The following MYO16 variants were observed in gnomAD, a reference collection of about 807,000 sequenced individuals.
MYO16 encodes myosin XVI, also known as unconventional myosin-XVI.
A neutral mutation model predicts 205.3 loss-of-function variants in MYO16; 94 were observed. The ratio of observed to expected loss-of-function variants is 0.46; its 90% CI spans 0.39 to 0.54. MYO16 has a LOEUF of 0.54. Ranked by LOEUF, MYO16 falls within the 20% of genes least tolerant of loss-of-function variation. MYO16 has a pLI of 0.00. For missense variants in MYO16, 2,315 were observed against 2,387.5 expected (o/e 0.97, Z 0.63); for synonymous variants, 988 against 954.0 (o/e 1.04, Z -0.66).
chr13:109,062,586 T>C (rs1887625730), intron 27 of MYO16, among the ~76,000 whole-genome samples: 1 of 152,046 alleles, frequency 6.6e-6, no homozygotes, highest in African/African-American at 2.4e-5. Context: ...AGAGGAAATC[T>C]GCCCCTATCT....
intron 14 of MYO16, among the ~76,000 whole-genome samples, chr13:108,897,017 A>T (rs1436803673): frequency 1.3e-5 from 2 of 151,876 alleles, no homozygotes; most frequent in South Asian, 2.1e-4. Flanking sequence ...TAAAAAGTAA[A>T]TTTTTTAAAA....
intron 7 of MYO16, 139 bp from the exon 8 acceptor site, chr13:108,820,198 G>A (rs1394338641): frequency 3.5e-6 from 2 of 563,554 alleles, no homozygotes; most frequent in Non-Finnish European, 6.2e-6. Context: ...ACTGGGAAAG[G>A]GGACAGGAAG....
chr13:108,956,991 T>C (rs1471451012), intron 16 of MYO16, among the ~76,000 whole-genome samples: 1 of 152,174 alleles, frequency 6.6e-6, no homozygotes, highest in African/African-American at 2.4e-5. Flanking sequence ...TATTGAAAAG[T>C]ACCAACAAGG....
intron 16 of MYO16, among the ~76,000 whole-genome samples, chr13:108,919,481 G>T (rs1276870318): frequency 7.6e-6 from 1 of 131,550 alleles, no homozygotes; most frequent in Non-Finnish European, 1.7e-5. Flanking sequence ...TTTGGCGTGA[G>T]CGATTGTCGT....
At chr13:108,966,017 T>C (rs1036131572) in intron 20 of MYO16, among the ~76,000 whole-genome samples, 13 of 152,306 alleles carry the variant, frequency 8.5e-5, no homozygotes, top group African/African-American at 2.9e-4. Context: ...TAAATAAATA[T>C]AGACATCTCA....
intron 27 of MYO16, among the ~76,000 whole-genome samples, chr13:109,079,887 T>TTG (rs929377810): frequency 4.0e-5 from 6 of 150,502 alleles, no homozygotes; most frequent in Admixed American, 4.0e-4. Context: ...TTCTTTTTTT[T>TTG]TTTTTTGAGT....
the MYO16 span, among the ~76,000 whole-genome samples, chr13:108,574,579 G>T: frequency 6.6e-6 from 1 of 151,840 alleles, no homozygotes; most frequent in African/African-American, 2.4e-5. Flanking sequence ...AACTTAAAAT[G>T]TTCAGTGTCT....
chr13:108,763,574 A>T (rs1388031940), intron 4 of MYO16, among the ~76,000 whole-genome samples: 1 of 152,216 alleles, frequency 6.6e-6, no homozygotes, highest in Non-Finnish European at 1.5e-5. Flanking sequence ...TACAGATGTT[A>T]AAGAAGATGG....
intron 2 of MYO16, among the ~76,000 whole-genome samples, chr13:108,669,460 G>T (rs1407566868): frequency 6.6e-6 from 1 of 151,958 alleles, no homozygotes; most frequent in African/African-American, 2.4e-5. Context: ...GGAGAGAAAT[G>T]GAAAGATTAC....
chr13:109,057,883 G>A (rs77714310), intron 27 of MYO16, among the ~76,000 whole-genome samples: 3,529 of 152,150 alleles, frequency 0.023, 47 homozygotes, highest in Non-Finnish European at 0.035. Flanking sequence ...CAGTCCTAAG[G>A]CTGAGGTCTC....
chr13:108,967,048 G>A (rs191922959), intron 20 of MYO16, among the ~76,000 whole-genome samples: 2 of 151,368 alleles, frequency 1.3e-5, no homozygotes, highest in East Asian at 1.9e-4. Flanking sequence ...ATTTATTACT[G>A]TATATATATA....
At chr13:108,900,341 A>T (rs1880648158) in intron 15 of MYO16, among the ~76,000 whole-genome samples, 1 of 152,148 alleles carries the variant, frequency 6.6e-6, no homozygotes, top group South Asian at 2.1e-4. Context: ...TATACCTCTC[A>T]GGCAGCTTGT....
At chr13:108,647,623 A>C (rs572328159) in intron 1 of MYO16, among the ~76,000 whole-genome samples, 1 of 152,272 alleles carries the variant, frequency 6.6e-6, no homozygotes, top group East Asian at 1.9e-4. Flanking sequence ...CTTTGAATTT[A>C]AAATTTTTAG....
chr13:108,888,441 C>T lies in MYO16; in HGVS notation c.1623C>T (p.Gly541=), dbSNP rs773573878. The part of the protein sequence containing the change: ...QIIRHLTCRA[G]ASRATLDSRF... ...TAAGACACCTCACCTGCAGGGCTGG[C>T]GCCAGCAGGGCCACACTGGATTCCA... The change falls in exon 14 of 35, where the codon GGC becomes GGT. Residue 541 remains glycine, a synonymous_variant. Coordinates refer to ENST00000457511, the MANE Select transcript of MYO16 (RefSeq NM_001198950.3). The T allele has an allele frequency of 2.3e-5, 37 of 1,610,034 alleles. No individual in the cohort carries two copies. In the South Asian group the frequency reaches 2.4e-4, roughly 11 times the overall value.
At chr13:108,760,045 A>T (rs2139654505) in intron 4 of MYO16, among the ~76,000 whole-genome samples, 1 of 152,306 alleles carries the variant, frequency 6.6e-6, no homozygotes, top group East Asian at 1.9e-4. Context: ...TCAAACATTT[A>T]TCTTTTATTG....
Position 109,127,142 on chromosome 13 carries a change from C to T in MYO16, c.3783-140C>T. 8.8e-7 allele frequency: 1 copy of T among 1,139,304 alleles called. No individual in the cohort carries two copies. Among genetic ancestry groups the T allele is most frequent in the South Asian group, 1.7e-5 (1 of 57,580 alleles). 70.6% of individuals were successfully genotyped at this position (1,139,304 alleles called of 1,614,324 possible). ...GGACCAACTGGTCACCAGAGGGCTG[C>T]ACACGTCCTCCAGCCACAGCAGGAA... On this transcript the variant is annotated intron_variant, in intron 30 of 34. Transcript: ENST00000457511. The surrounding 1 kb of genome is among the most constrained non-coding windows in gnomAD (Gnocchi z 4.2).
intron 21 of MYO16, among the ~76,000 whole-genome samples, chr13:109,005,293 C>G (rs1390688159): frequency 6.6e-6 from 1 of 152,112 alleles, no homozygotes; most frequent in Non-Finnish European, 1.5e-5. Flanking sequence ...CTTCTTCTAT[C>G]TACAGAAATT....
At chr13:108,960,363 A>G (rs971282634) in intron 17 of MYO16, among the ~76,000 whole-genome samples, 1 of 152,170 alleles carries the variant, frequency 6.6e-6, no homozygotes, top group South Asian at 2.1e-4. Context: ...CAGCATAAGT[A>G]AATTAAATTT....
intron 2 of MYO16, among the ~76,000 whole-genome samples, chr13:108,687,731 AGT>A (rs775368011): frequency 3.9e-4 from 60 of 152,366 alleles, no homozygotes; most frequent in South Asian, 2.1e-3. Context: ...TAATTTATAA[AGT>A]GTGATTTTTT....
Sources: allele counts gnomAD v4.1 joint callset (sites outside exome capture counted in the v4.1 genomes callset), GRCh38; gene constraint gnomAD v4.1.1; non-coding constraint Gnocchi (gnomAD v3.1); transcripts MANE v1.5; gene names NCBI Gene and HGNC (gene_info 2026-07-23, HGNC 2026-07-21).